PAPPA2: variants seen among roughly 807,000 people sequenced by gnomAD.
The protein encoded by PAPPA2 is pappalysin-2.
A neutral mutation model predicts 176.4 loss-of-function variants in PAPPA2; 86 were observed. The ratio of observed to expected loss-of-function variants is 0.49; its 90% CI spans 0.41 to 0.58. The LOEUF is 0.58. Ranked by LOEUF, PAPPA2 falls within the 20% of genes least tolerant of loss-of-function variation. The probability of loss-of-function intolerance (pLI) is 0.00; values close to 1 mark genes in which losing one functional copy is unlikely to be tolerated. For missense variants in PAPPA2, 2,073 were observed against 2,256.9 expected, an observed-to-expected ratio of 0.92 and a Z score of 1.65; for synonymous variants, 809 against 852.2, an observed-to-expected ratio of 0.95 and a Z score of 0.88.
chr1:176,557,282 T>TTTCA, intron 2 of PAPPA2, 41 bp downstream of exon 2: 2 of 1,518,046 alleles, frequency 1.3e-6, no homozygotes, highest in East Asian at 4.9e-5. Context: ...CCTGAGGGTA[T>TTTCA]GGCTGGCTTT....
At chr1:176,744,496 A>G (rs1227819558) in intron 14 of PAPPA2, among the ~76,000 whole-genome samples, 1 of 152,176 alleles carries the variant, frequency 6.6e-6, no homozygotes, top group African/African-American at 2.4e-5. Context: ...TTTAGGACAT[A>G]TATCTCCCAA....
intron 3 of PAPPA2, among the ~76,000 whole-genome samples, chr1:176,665,715 G>A (rs1308875798): frequency 6.6e-6 from 1 of 152,062 alleles, no homozygotes; most frequent in African/African-American, 2.4e-5. Flanking sequence ...ATGGACACAG[G>A]CATATACTTT....
At chr1:176,559,838 C>G (rs2102596226) in intron 2 of PAPPA2, among the ~76,000 whole-genome samples, 1 of 152,334 alleles carries the variant, frequency 6.6e-6, no homozygotes, top group South Asian at 2.1e-4. Context: ...CTTCTACCTA[C>G]TCAACTTAAA....
chr1:176,722,270 A>C (rs1213958489), intron 12 of PAPPA2, among the ~76,000 whole-genome samples: 1 of 152,008 alleles, frequency 6.6e-6, no homozygotes, highest in African/African-American at 2.4e-5. Flanking sequence ...TTTTAAGTGA[A>C]TATCAAACAC....
intron 12 of PAPPA2, among the ~76,000 whole-genome samples, chr1:176,735,472 G>A (rs1427617566): frequency 6.6e-6 from 1 of 152,126 alleles, no homozygotes. Flanking sequence ...AAGTTGAAAT[G>A]CTTGGCTTGG....
chr1:176,565,744 C>A (rs1323402726), intron 2 of PAPPA2, among the ~76,000 whole-genome samples: 1 of 152,130 alleles, frequency 6.6e-6, no homozygotes, highest in African/African-American at 2.4e-5. Context: ...TATGGTTTGG[C>A]CACTGTTAGC....
At chr1:176,764,452 A>G (rs1458003376) in intron 14 of PAPPA2, among the ~76,000 whole-genome samples, 1 of 152,200 alleles carries the variant, frequency 6.6e-6, no homozygotes. Flanking sequence ...ACACTTGGGA[A>G]TGAATAACTC....
chr1:176,469,975 G>A (rs927857821), intron 1 of PAPPA2, among the ~76,000 whole-genome samples: 15 of 152,200 alleles, frequency 9.9e-5, no homozygotes, highest in African/African-American at 3.1e-4. Context: ...AGAGGAAGCT[G>A]CCAACAACTT....
chr1:176,620,688 C>G (rs758224607), intron 3 of PAPPA2, among the ~76,000 whole-genome samples: 1 of 152,062 alleles, frequency 6.6e-6, no homozygotes, highest in East Asian at 1.9e-4. Flanking sequence ...TTTCCCAACC[C>G]CTATGTTAAT....
chr1:176,524,298 A>G (rs1649364454), intron 1 of PAPPA2, among the ~76,000 whole-genome samples: 1 of 152,166 alleles, frequency 6.6e-6, no homozygotes, highest in African/African-American at 2.4e-5. Context: ...GAGAATTTGC[A>G]ATATGGTGCC....
chr1:176,634,162 T>C (rs2102713339), intron 3 of PAPPA2, among the ~76,000 whole-genome samples: 2 of 152,304 alleles, frequency 1.3e-5, no homozygotes, highest in African/African-American at 4.8e-5. Context: ...ATTGCAACAC[T>C]ACTCACAATA....
rs555828553 is a variant in PAPPA2, at chr1:176,711,869, A to G, written c.3686A>G (p.His1229Arg). 2.9e-4 allele frequency: 463 copies of G among 1,612,582 alleles called. 7 individuals carry two copies. The South Asian group carries it at 4.8e-3, about 17-fold the overall frequency. The change falls in exon 12 of 23, where the codon CAC becomes CGC. Residue 1229 changes from histidine (H) to arginine (R), a missense_variant. Coordinates refer to ENST00000367662, the MANE Select transcript of PAPPA2 (RefSeq NM_020318.3). The part of the protein sequence containing the change: ...CTSYHPDLPN[H>R]RPLTGWFPCV... ...TCATACCATCCAGATTTACCCAACC[A>G]CCGTCCCCTAACTGGCTGGTTTCCC...
At chr1:176,687,508 C>A (rs1014704070) in intron 4 of PAPPA2, among the ~76,000 whole-genome samples, 1 of 152,166 alleles carries the variant, frequency 6.6e-6, no homozygotes, top group African/African-American at 2.4e-5. Flanking sequence ...ATGATGACCA[C>A]CCCCATATTC....
chr1:176,739,574 C>T (rs1314269237), intron 12 of PAPPA2, 52 bp from the exon 13 acceptor site: 3 of 1,562,396 alleles, frequency 1.9e-6, no homozygotes, highest in Non-Finnish European at 2.6e-6. Context: ...TAGCACATGT[C>T]TTGATAGCTC....
chr1:176,773,179 A>G (rs1411501374), intron 17 of PAPPA2, among the ~76,000 whole-genome samples: 1 of 152,240 alleles, frequency 6.6e-6, no homozygotes, highest in Admixed American at 6.5e-5. Context: ...CACAAGCACC[A>G]TTCTGAGGAA....
At chr1:176,620,934 A>C (rs1208216711) in intron 3 of PAPPA2, among the ~76,000 whole-genome samples, 1 of 152,196 alleles carries the variant, frequency 6.6e-6, no homozygotes, top group Non-Finnish European at 1.5e-5. Flanking sequence ...TCTATACTAA[A>C]GGTACATTCT....
At position 176,595,354 on chromosome 1, in the gene PAPPA2, G is replaced by A. The variant is rs191775270; in HGVS notation, c.1750G>A (p.Val584Met). 3.6e-4 allele frequency: 589 copies of A among 1,614,206 alleles called. 6 individuals are homozygous for A. The East Asian group carries it at 7.3e-3, about 20-fold the overall frequency. The change falls in exon 3 of 23, where the codon GTG (valine) becomes ATG (methionine). Residue 584 changes from valine (V) to methionine (M), a missense_variant. Around this residue, in one of 4 missense-constraint regions of PAPPA2, gnomAD observed 1,196 missense variants for 1,330.4 expected, o/e 0.90. Transcript: ENST00000367662. ...CACCCTGCGACACCGGGTTGTGCTT[G>A]TGAACTGTGAGCCCAGCAAGATTGG... is the stretch of plus-strand genomic sequence containing the variant. The part of the protein sequence containing the change: ...NSTLRHRVVL[V>M]NCEPSKIGND...
intron 1 of PAPPA2, among the ~76,000 whole-genome samples, chr1:176,468,881 A>G (rs771194473): frequency 1.3e-5 from 2 of 152,204 alleles, no homozygotes; most frequent in African/African-American, 4.8e-5. Flanking sequence ...TAAGAATACT[A>G]TGTTTATGGA....
In PAPPA2 at chr1:176,556,064, C is replaced by A; in HGVS notation, c.-259C>A. The A allele has an allele frequency of 2.2e-6, 1 of 463,854 alleles. No homozygotes were observed. The highest frequency in any genetic ancestry group is 3.8e-6 in the Non-Finnish European group (1 of 263,260). 28.7% of individuals were successfully genotyped at this position (463,854 alleles called of 1,614,324 possible). A position where few individuals can be genotyped will look rare whatever the true frequency, so the allele number is the denominator to read the frequency against. On this transcript the variant is annotated 5_prime_UTR_variant, in exon 2 of 23. Coordinates refer to ENST00000367662, the MANE Select transcript of PAPPA2 (RefSeq NM_020318.3). The stretch of plus-strand genomic sequence containing the variant: ...TCGTTCTGCAAGGACTAAAGTACAG[C>A]AAGAGGAGAGAGGTCAAGCGAGAAG...
Sources: allele counts gnomAD v4.1 joint callset (sites outside exome capture counted in the v4.1 genomes callset), GRCh38; gene constraint gnomAD v4.1.1; regional missense constraint gnomAD v4.1.1; transcripts MANE v1.5; gene names NCBI Gene and HGNC (gene_info 2026-07-23, HGNC 2026-07-21).